The following ART3 variants were observed in gnomAD, a reference collection of about 807,000 sequenced individuals.
ART3 encodes the protein ecto-ADP-ribosyltransferase 3.
ART3 carries 49 observed loss-of-function variants against 48.5 expected under a neutral mutation model. The observed-to-expected ratio is 1.01, with a 90% confidence interval of 0.80 to 1.28. ART3 has a LOEUF of 1.28. Ranked by LOEUF, ART3 falls within the 50% of genes most tolerant of loss-of-function variation. The pLI is 0.00. For missense variants in ART3, 438 were observed against 454.3 expected (o/e 0.96, Z 0.33); for synonymous variants, 145 against 157.2 (o/e 0.92, Z 0.58).
rs1553926409 is a variant in ART3 at position 76,040,437 on chromosome 4, T to TACACACACACACACGCACAC, written c.-10+29131_-10+29132insGCACACACACACACACACAC. Among the ~76,000 whole-genome samples, 806 of 88,480 alleles carry TACACACACACACACGCACAC rather than the reference T, an allele frequency of 9.1e-3. 21 individuals are homozygous for TACACACACACACACGCACAC. Among genetic ancestry groups the TACACACACACACACGCACAC allele is most frequent in the Non-Finnish European group, 0.012 (554 of 44,888 alleles). The allele number at this position is 88,480 out of a possible 152,430, so 58.0% of individuals were successfully genotyped here. On this transcript the variant is annotated intron_variant, in intron 1 of 9. Coordinates refer to the ART3 transcript ENST00000341029. ...TGGATGGATACGCACATACACTGGA[T>TACACACACACACACGCACAC]ACACACACACACACACACACACACA...
chr4:76,033,065 G>T (rs1734024347), intron 1 of ART3, among the ~76,000 whole-genome samples: 1 of 151,940 alleles, frequency 6.6e-6, no homozygotes, highest in African/African-American at 2.4e-5. Flanking sequence ...TTTTTCAAAT[G>T]TATGGGTGCC....
At chr4:76,091,495 T>C (rs971033519) in intron 3 of ART3, among the ~76,000 whole-genome samples, 6 of 152,330 alleles carry the variant, frequency 3.9e-5, no homozygotes, top group Non-Finnish European at 7.3e-5. Context: ...AGTAATAATG[T>C]TGAGCATCTT....
chr4:76,080,970 A>G (rs1452813220), intron 2 of ART3, among the ~76,000 whole-genome samples: 1 of 152,198 alleles, frequency 6.6e-6, no homozygotes. Context: ...TTATGTGAAC[A>G]TATGTATATG....
chr4:76,082,442 G>GT lies in ART3; in HGVS notation c.693dup (p.Gln232SerfsTer10). On this transcript the variant is annotated frameshift_variant, in exon 3 of 12. Transcript: ENST00000355810. LOFTEE classifies it high-confidence loss of function. Reference sequence around the variant, plus strand: ...AATTACTTTAATACCTCTGAATGAGGTTTTTCAAGTGTCACAGGAGGGGGC... The same window carrying GT: ...AATTACTTTAATACCTCTGAATGAGGTTTTTTCAAGTGTCACAGGAGGGGGC... 6.2e-7 allele frequency: 1 copy of GT among 1,613,646 alleles called. No individual in the cohort carries two copies.
intron 1 of ART3, among the ~76,000 whole-genome samples, chr4:76,017,406 T>C (rs1353492471): frequency 6.6e-6 from 1 of 151,984 alleles, no homozygotes; most frequent in East Asian, 1.9e-4. Context: ...CTCATGACTC[T>C]CTGCCCAGCA....
chr4:76,108,676 G>A (rs200795411), intron 11 of ART3, among the ~76,000 whole-genome samples: 37 of 151,572 alleles, frequency 2.4e-4, no homozygotes, highest in African/African-American at 7.7e-4. Flanking sequence ...ACAAGATGGG[G>A]TATGTTCTGA....
intron 2 of ART3, among the ~76,000 whole-genome samples, chr4:76,077,069 T>C (rs1423049531): frequency 6.6e-6 from 1 of 152,202 alleles, no homozygotes; most frequent in African/African-American, 2.4e-5. Flanking sequence ...TTTAGCTGTA[T>C]ACTTCAGTGG....
At chr4:76,016,809 C>G (rs1197694859) in intron 1 of ART3, among the ~76,000 whole-genome samples, 2 of 152,204 alleles carry the variant, frequency 1.3e-5, no homozygotes, top group Non-Finnish European at 2.9e-5. Flanking sequence ...TCCCATTCCT[C>G]CCTCCCCTTT....
chr4:76,095,945 A>T (rs755729457), intron 3 of ART3, among the ~76,000 whole-genome samples: 1 of 151,536 alleles, frequency 6.6e-6, no homozygotes, highest in Non-Finnish European at 1.5e-5. Context: ...CTTTTGAGAC[A>T]GAGTTTTGCT....
At chr4:76,104,206 T>G (rs116778886) in intron 9 of ART3, 5,424 of 449,490 alleles carry the variant, frequency 0.012, 224 homozygotes, top group African/African-American at 0.095. Context: ...CTCTGGATGT[T>G]GCTGAGGGGA....
chr4:76,090,530 G>T (rs1000209865), intron 3 of ART3, among the ~76,000 whole-genome samples: 2 of 152,216 alleles, frequency 1.3e-5, no homozygotes, highest in Non-Finnish European at 2.9e-5. Flanking sequence ...TAGGGAACTT[G>T]TGGGAGGGCT....
chr4:76,096,299 G>A (rs890060633), intron 3 of ART3, among the ~76,000 whole-genome samples: 1 of 152,190 alleles, frequency 6.6e-6, no homozygotes. Flanking sequence ...TAGCCTCAGG[G>A]CACTGTCCAG....
Position 76,108,636 on chromosome 4 carries a change from C to T in ART3, c.1036+843C>T, listed in dbSNP as rs1176178453. Among the ~76,000 whole-genome samples, 4 of 150,374 alleles carry T rather than the reference C, an allele frequency of 2.7e-5. No individual in the cohort carries two copies. In the East Asian group the frequency reaches 5.9e-4, roughly 22 times the overall value. On this transcript the variant is annotated intron_variant, in intron 11 of 11. Transcript: ENST00000355810. ...TAATGCCCCCCTGAGAACCACTGGT[C>T]TGTGGTAACATACAGTCATGCATTG...
chr4:76,089,871 G>A (rs530425540), intron 3 of ART3, among the ~76,000 whole-genome samples: 1 of 152,100 alleles, frequency 6.6e-6, no homozygotes, highest in Non-Finnish European at 1.5e-5. Flanking sequence ...CACGGGGTCA[G>A]GTGTTCGAGA....
chr4:76,047,284 C>CT (rs1223685133), intron 1 of ART3, among the ~76,000 whole-genome samples: 3 of 151,984 alleles, frequency 2.0e-5, no homozygotes, highest in Non-Finnish European at 4.4e-5. Flanking sequence ...AGGCTGTGGC[C>CT]TTTCTCTGAT....
chr4:76,082,907 C>A (rs946802729), intron 3 of ART3, among the ~76,000 whole-genome samples: 1 of 152,046 alleles, frequency 6.6e-6, no homozygotes, highest in African/African-American at 2.4e-5. Flanking sequence ...GACAGCCCCA[C>A]ACAACAAAGA....
At position 76,085,651 on chromosome 4, in the gene ART3, C is replaced by CAAAA. The variant is rs1560630410; in HGVS notation, c.781+3116_781+3117insAAAA. ...AAGATAGGGGAAAAAAGACAAAAGA[C>CAAAA]GAGATGAGAAATGCTGGCTAGGGTT... On this transcript the variant is annotated intron_variant, in intron 3 of 11. Transcript: ENST00000355810. 8.5e-5 allele frequency among the ~76,000 whole-genome samples: 13 copies of CAAAA among 152,168 alleles called. No individual in the cohort carries two copies. In the South Asian group the frequency reaches 2.1e-3, roughly 24 times the overall value.
At chr4:76,061,090 A>G (rs1265066758) in intron 1 of ART3, among the ~76,000 whole-genome samples, 2 of 152,238 alleles carry the variant, frequency 1.3e-5, no homozygotes, top group Non-Finnish European at 2.9e-5. Context: ...AGCAACAGTA[A>G]CAAACTATTG....
chr4:76,059,423 T>G (rs1406524272), intron 1 of ART3, among the ~76,000 whole-genome samples: 3 of 151,746 alleles, frequency 2.0e-5, no homozygotes. Context: ...TCTCTATCCT[T>G]ACTTTTTAAT....
Sources: allele counts gnomAD v4.1 joint callset (sites outside exome capture counted in the v4.1 genomes callset), GRCh38; gene constraint gnomAD v4.1.1; transcripts MANE v1.5; gene names NCBI Gene and HGNC (gene_info 2026-07-23, HGNC 2026-07-21).